PARD3: variants seen among roughly 807,000 people sequenced by gnomAD.
The protein encoded by PARD3 is par-3 family cell polarity regulator.
A neutral mutation model predicts 155.4 loss-of-function variants in PARD3; 75 were observed. The observed-to-expected ratio is 0.48, with a 90% CI of 0.40 to 0.58. The LOEUF is 0.58. Among genes scored for constraint, PARD3 ranks in the 20% least tolerant of loss-of-function variants. The pLI is 0.00. For missense variants in PARD3, 1,642 were observed against 1,721.7 expected (o/e 0.95, Z 0.82); for synonymous variants, 576 against 610.5 (o/e 0.94, Z 0.83).
At chr10:34,211,653 G>A (rs985320019) in intron 22 of PARD3, among the ~76,000 whole-genome samples, 2 of 152,038 alleles carry the variant, frequency 1.3e-5, no homozygotes, top group African/African-American at 4.8e-5. Context: ...GGTGGTGGGC[G>A]CCTGTAATCC....
intron 5 of PARD3, among the ~76,000 whole-genome samples, chr10:34,443,458 G>C (rs1209233142): frequency 6.6e-6 from 1 of 152,172 alleles, no homozygotes; most frequent in African/African-American, 2.4e-5. Flanking sequence ...AGGTTTAATG[G>C]ACATGTTACA....
chr10:34,435,254 A>T (rs1313669767), intron 5 of PARD3, among the ~76,000 whole-genome samples: 2 of 152,212 alleles, frequency 1.3e-5, no homozygotes, highest in African/African-American at 2.4e-5. Flanking sequence ...GCAGATGGCA[A>T]CACTTCATCA....
At position 34,349,737 on chromosome 10, in the gene PARD3, C is replaced by T. The variant is rs143605762; in HGVS notation, c.2068-1622G>A. Among the ~76,000 whole-genome samples, 7 of 151,924 alleles carry T rather than the reference C, an allele frequency of 4.6e-5. No homozygotes were observed. In the East Asian group the frequency reaches 1.2e-3, roughly 25 times the overall value. ...CTATAAACAAATTCTGTTTACTATA[C>T]AATAATTTATCAAAAGACAGACAAC... On this transcript the variant is annotated intron_variant, in intron 14 of 24. Coordinates refer to ENST00000374788, the MANE Select transcript of PARD3 (RefSeq NM_001184785.2).
intron 10 of PARD3, 112 bp from the exon 11 acceptor site, chr10:34,375,114 T>G: frequency 2.5e-6 from 2 of 789,736 alleles, no homozygotes; most frequent in Non-Finnish European, 4.0e-6. Context: ...TAGCCATATC[T>G]GCTATGGAAC....
intron 1 of PARD3, among the ~76,000 whole-genome samples, chr10:34,743,389 A>C (rs2095053139): frequency 6.6e-6 from 1 of 152,222 alleles, no homozygotes; most frequent in Non-Finnish European, 1.5e-5. Flanking sequence ...CCTTCAGATC[A>C]GTTTCTTTGA....
At chr10:34,683,204 A>G (rs1180844550) in intron 2 of PARD3, among the ~76,000 whole-genome samples, 5 of 152,162 alleles carry the variant, frequency 3.3e-5, no homozygotes, top group African/African-American at 1.2e-4. Flanking sequence ...ACATGGTCAT[A>G]AAGATGGAAA....
At chr10:34,469,003 G>C (rs1028165319) in intron 4 of PARD3, among the ~76,000 whole-genome samples, 3 of 152,124 alleles carry the variant, frequency 2.0e-5, no homozygotes, top group Admixed American at 2.0e-4. Flanking sequence ...AGTTTATTGA[G>C]CATCTACAGA....
chr10:34,438,698 AACAG>A (rs1329673506), intron 5 of PARD3, among the ~76,000 whole-genome samples: 2 of 152,230 alleles, frequency 1.3e-5, no homozygotes, highest in African/African-American at 4.8e-5. Flanking sequence ...AGGACAGCAA[AACAG>A]ACAGAAAGAT....
At chr10:34,615,149 C>A (rs1355713816) in intron 2 of PARD3, among the ~76,000 whole-genome samples, 6 of 152,136 alleles carry the variant, frequency 3.9e-5, no homozygotes, top group African/African-American at 1.4e-4. Flanking sequence ...CCACTTCACT[C>A]CAGCCTGGGC....
At chr10:34,664,726 T>C (rs1241986172) in intron 2 of PARD3, among the ~76,000 whole-genome samples, 2 of 152,172 alleles carry the variant, frequency 1.3e-5, no homozygotes, top group Non-Finnish European at 2.9e-5. Flanking sequence ...CCTTAGGTAA[T>C]CTGCCCACTT....
intron 15 of PARD3, chr10:34,343,321 G>A: frequency 2.1e-6 from 2 of 955,312 alleles, no homozygotes; most frequent in Non-Finnish European, 2.5e-6. Flanking sequence ...TAAAACTTCT[G>A]GTTTTACACA....
intron 14 of PARD3, among the ~76,000 whole-genome samples, chr10:34,356,102 T>C (rs1838847279): frequency 6.6e-6 from 1 of 152,020 alleles, no homozygotes; most frequent in Non-Finnish European, 1.5e-5. Flanking sequence ...ACTTTGAGAA[T>C]GACATAGTGC....
At chr10:34,789,293 AAAAGG>A (rs2134231786) in intron 1 of PARD3, among the ~76,000 whole-genome samples, 1 of 152,322 alleles carries the variant, frequency 6.6e-6, no homozygotes, top group South Asian at 2.1e-4. Context: ...CTTTGTCTCA[AAAAGG>A]AAAAAAATTA....
chr10:34,259,775 G>C (rs1195421831), intron 22 of PARD3, among the ~76,000 whole-genome samples: 7 of 152,164 alleles, frequency 4.6e-5, no homozygotes, highest in African/African-American at 1.2e-4. Context: ...TAGAAAAATA[G>C]GGAAGCAAAT....
intron 2 of PARD3, among the ~76,000 whole-genome samples, chr10:34,669,581 G>A (rs955497928): frequency 9.9e-5 from 15 of 151,780 alleles, no homozygotes; most frequent in South Asian, 2.1e-4. Flanking sequence ...TATTCCTTAC[G>A]TTTACACAAT....
chr10:34,354,714 G>A (rs555077473), intron 14 of PARD3, among the ~76,000 whole-genome samples: 1 of 152,276 alleles, frequency 6.6e-6, no homozygotes, highest in East Asian at 1.9e-4. Flanking sequence ...CCATGTCTGA[G>A]AAATTACCAG....
At chr10:34,451,682 C>T (rs951866587) in intron 4 of PARD3, among the ~76,000 whole-genome samples, 4 of 151,352 alleles carry the variant, frequency 2.6e-5, no homozygotes, top group Admixed American at 6.6e-5. Context: ...CCAACATAAA[C>T]TTTGACATGA....
intron 3 of PARD3, among the ~76,000 whole-genome samples, chr10:34,508,872 ACTAT>A (rs1208966723): frequency 2.6e-5 from 4 of 152,120 alleles, no homozygotes; most frequent in African/African-American, 4.8e-5. Flanking sequence ...CCATTCCACA[ACTAT>A]CTGTTAGTCT....
intron 21 of PARD3, among the ~76,000 whole-genome samples, chr10:34,280,985 C>T (rs1564544626): frequency 6.6e-6 from 1 of 152,244 alleles, no homozygotes; most frequent in East Asian, 1.9e-4. Context: ...GAACACTGGG[C>T]AATCCTGTAC....
Sources: allele counts gnomAD v4.1 joint callset (sites outside exome capture counted in the v4.1 genomes callset), GRCh38; gene constraint gnomAD v4.1.1; transcripts MANE v1.5; gene names NCBI Gene and HGNC (gene_info 2026-07-23, HGNC 2026-07-21).